The following TMEM52B variants were observed in gnomAD, a reference collection of about 807,000 sequenced individuals.
TMEM52B encodes the protein chromosome 12 open reading frame 59.
Under a neutral mutation model 16.1 loss-of-function variants are expected in TMEM52B, and 11 were observed. That is an observed-to-expected ratio of 0.68 (90% CI 0.43 to 1.13). TMEM52B has a LOEUF of 1.13. Among genes scored for constraint, TMEM52B ranks in the 50% most tolerant of loss-of-function variants. The pLI is 0.00. For synonymous variants in TMEM52B, 101 were observed against 93.8 expected, an observed-to-expected ratio of 1.08 and a Z score of -0.45; for missense variants, 243 against 230.4, an observed-to-expected ratio of 1.05 and a Z score of -0.35.
chr12:10,187,976 G>A (rs140340754), intron 4 of TMEM52B, among the ~76,000 whole-genome samples: 1,648 of 152,094 alleles, frequency 0.011, 15 homozygotes, highest in South Asian at 0.045. Context: ...GCACACACCT[G>A]CAATCCCAGC....
At chr12:10,186,688 G>C (rs999078893) in intron 4 of TMEM52B, 99 bp downstream of exon 4, 2 of 1,243,008 alleles carry the variant, frequency 1.6e-6, no homozygotes, top group African/African-American at 3.0e-5. Context: ...TAATATTAAA[G>C]ATTCCAGGAC....
At chr12:10,182,053 A>C in intron 1 of TMEM52B, 1 of 648,774 alleles carries the variant, frequency 1.5e-6, no homozygotes, top group Middle Eastern at 8.2e-4. Context: ...AAAAAAAAAA[A>C]CTTGTTAGCA....
At chr12:10,173,750 G>A (rs1178325799) in intron 1 of TMEM52B, among the ~76,000 whole-genome samples, 1 of 143,728 alleles carries the variant, frequency 7.0e-6, no homozygotes, top group East Asian at 2.1e-4. Context: ...GGGCAACAGA[G>A]CGAGACTCCC....
intron 2 of TMEM52B, among the ~76,000 whole-genome samples, chr12:10,184,875 G>A (rs541781750): frequency 5.9e-5 from 9 of 151,390 alleles, no homozygotes; most frequent in East Asian, 3.9e-4. Context: ...CACCACGGCC[G>A]GCTAATTTTT....
intron 3 of TMEM52B, 61 bp downstream of exon 3, chr12:10,185,429 A>G (rs1591991226): frequency 1.6e-6 from 2 of 1,252,586 alleles, no homozygotes; most frequent in Non-Finnish European, 2.3e-6. Context: ...TAAAAATGAC[A>G]ACCTGCCTAC....
intron 1 of TMEM52B, among the ~76,000 whole-genome samples, chr12:10,172,957 C>T (rs980958906): frequency 2.6e-5 from 4 of 152,078 alleles, no homozygotes; most frequent in African/African-American, 4.8e-5. Flanking sequence ...AAAAATGTCA[C>T]GTTGCTATAG....
At chr12:10,186,138 G>A (rs1032122326) in intron 3 of TMEM52B, among the ~76,000 whole-genome samples, 1 of 152,012 alleles carries the variant, frequency 6.6e-6, no homozygotes, top group East Asian at 1.9e-4. Context: ...CTGGGCAACA[G>A]AGCAAGACTC....
rs564545286 is a variant in TMEM52B at position 10,182,234 on chromosome 12, A to G, written c.55-316A>G. 3 of 985,274 alleles carry G rather than the reference A, an allele frequency of 3.0e-6. No homozygotes were observed. The African/African-American group carries it at 5.2e-5, about 17-fold the overall frequency. The allele number at this position is 985,274 out of a possible 1,614,324, so 61.0% of individuals were successfully genotyped here. A position where few individuals can be genotyped will look rare whatever the true frequency, so the allele number is the denominator to read the frequency against. ...ATTAGGAGGACAATGGCAATATCCC[A>G]AGGGACAGAGAGATCAGGAATTTTC... On this transcript the variant is annotated intron_variant, in intron 1 of 4. Coordinates refer to ENST00000543484, the MANE Select transcript of TMEM52B (RefSeq NM_001384896.1).
At chr12:10,182,368 C>G in intron 1 of TMEM52B, 182 bp from the exon 2 acceptor site, 4 of 985,362 alleles carry the variant, frequency 4.1e-6, no homozygotes, top group Non-Finnish European at 4.8e-6. Context: ...TCCCTTACCT[C>G]AAGTACAAAA....
At position 10,190,351 on chromosome 12, in the gene TMEM52B, C is replaced by A; in HGVS notation, c.*211C>A. On this transcript the variant is annotated 3_prime_UTR_variant, in exon 5 of 5. Coordinates refer to ENST00000543484, the MANE Select transcript of TMEM52B (RefSeq NM_001384896.1). ...GAACTCTAATTTTGTATCCAATGGC[C>A]AAAATCTGCAAGTAATCTCTAGCCA... 1 of 573,702 alleles carries A rather than the reference C, an allele frequency of 1.7e-6. No individual in the cohort carries two copies. Among genetic ancestry groups the A allele is most frequent in the Non-Finnish European group, 3.0e-6 (1 of 333,528 alleles). 35.5% of individuals were successfully genotyped at this position (573,702 alleles called of 1,614,324 possible).
At position 10,182,304 on chromosome 12, in the gene TMEM52B, G is replaced by C. The variant is rs571657341; in HGVS notation, c.55-246G>C. 4.1e-6 allele frequency: 4 copies of C among 985,238 alleles called. No individual in the cohort carries two copies. In the African/African-American group the frequency reaches 7.0e-5, roughly 17 times the overall value. The allele number at this position is 985,238 out of a possible 1,614,324, so 61.0% of individuals were successfully genotyped here. On this transcript the variant is annotated intron_variant, in intron 1 of 4. Transcript: ENST00000543484. Reference sequence around the variant, plus strand: ...TAAATGGCTACCTCTCATTCACAAAGGGTGATGCTCACCCACCATCAACAC... The same window carrying C: ...TAAATGGCTACCTCTCATTCACAAACGGTGATGCTCACCCACCATCAACAC...
chr12:10,188,536 G>GAA (rs1160450705), intron 4 of TMEM52B, among the ~76,000 whole-genome samples: 63,388 of 121,282 alleles, frequency 0.52, 14,723 homozygotes, highest in East Asian at 0.88. Context: ...AAGGAAGGAA[G>GAA]GAAAAGAAGA....
chr12:10,175,080 G>T (rs1446650258), upstream of TMEM52B, among the ~76,000 whole-genome samples: 1 of 152,118 alleles, frequency 6.6e-6, no homozygotes, highest in African/African-American at 2.4e-5. Context: ...AAAAATTTTA[G>T]AGGGCTCTCA....
At chr12:10,178,192 G>C (rs946784154), upstream of TMEM52B, among the ~76,000 whole-genome samples, 4 of 151,294 alleles carry the variant, frequency 2.6e-5, no homozygotes. Context: ...ATGGCACCCG[G>C]CCACATTTGT....
chr12:10,180,049 A>G (rs2137543986), intron 1 of TMEM52B, among the ~76,000 whole-genome samples: 1 of 152,338 alleles, frequency 6.6e-6, no homozygotes, highest in Non-Finnish European at 1.5e-5. Context: ...TAGTCTAGAA[A>G]TAAGAGAGGC....
chr12:10,172,180 T>C (rs187602041), intron 1 of TMEM52B: 2 of 752,396 alleles, frequency 2.7e-6, no homozygotes, highest in East Asian at 2.6e-5. Flanking sequence ...TACTGTTATC[T>C]AATAGAAGAA....
chr12:10,190,454 T>G lies in TMEM52B; in HGVS notation c.*314T>G. 3.4e-6 allele frequency: 1 copy of G among 290,022 alleles called. No homozygotes were observed. Among genetic ancestry groups the G allele is most frequent in the Non-Finnish European group, 6.7e-6 (1 of 148,490 alleles). 18.0% of individuals were successfully genotyped at this position (290,022 alleles called of 1,614,324 possible). A position where few individuals can be genotyped will look rare whatever the true frequency, so the allele number is the denominator to read the frequency against. On this transcript the variant is annotated 3_prime_UTR_variant, in exon 5 of 5. Transcript: ENST00000543484. ...CTATTGAGTGCATATAGAATTCCTG[T>G]ACCCACATGATACTGCAAGTTGTGT...
At chr12:10,173,668 T>C (rs533456062) in intron 1 of TMEM52B, among the ~76,000 whole-genome samples, 3 of 151,018 alleles carry the variant, frequency 2.0e-5, no homozygotes, top group Non-Finnish European at 4.4e-5. Flanking sequence ...TAATCCCAGC[T>C]ATTTGGGAGG....
upstream of TMEM52B, among the ~76,000 whole-genome samples, chr12:10,177,733 GC>G (rs1021455306): frequency 1.2e-4 from 17 of 147,686 alleles, no homozygotes; most frequent in Admixed American, 1.1e-3. Flanking sequence ...TTGCACCACT[GC>G]CCTCCAGCCT....
Sources: allele counts gnomAD v4.1 joint callset (sites outside exome capture counted in the v4.1 genomes callset), GRCh38; gene constraint gnomAD v4.1.1; transcripts MANE v1.5; gene names NCBI Gene and HGNC (gene_info 2026-07-23, HGNC 2026-07-21).